MITF: variants seen among roughly 807,000 people sequenced by gnomAD.
The protein encoded by MITF is melanocyte inducing transcription factor.
In MITF, 17 loss-of-function variants were observed where a neutral mutation model predicts 60.5. That is an observed-to-expected ratio of 0.28 (90% confidence interval 0.19 to 0.42). The LOEUF (loss-of-function observed/expected upper bound fraction) is 0.42. Among genes scored for constraint, MITF ranks in the 10% least tolerant of loss-of-function variants. MITF has a pLI of 1.00. For missense variants in MITF, 622 were observed against 683.5 expected (o/e 0.91, Z 1.00); for synonymous variants, 260 against 248.5 (o/e 1.05, Z -0.43).
At chr3:69,907,802 A>T (rs1274664144) in intron 2 of MITF, among the ~76,000 whole-genome samples, 1 of 152,162 alleles carries the variant, frequency 6.6e-6, no homozygotes, top group African/African-American at 2.4e-5. Context: ...CTAAGCTCCA[A>T]AACACAGTAA....
At chr3:69,929,907 A>G (rs1216491766) in intron 2 of MITF, among the ~76,000 whole-genome samples, 1 of 152,174 alleles carries the variant, frequency 6.6e-6, no homozygotes, top group Non-Finnish European at 1.5e-5. Context: ...GGTTGGATCC[A>G]GGGTATGAAA....
chr3:69,877,526 G>A (rs1295975434), intron 1 of MITF, among the ~76,000 whole-genome samples: 4 of 148,872 alleles, frequency 2.7e-5, no homozygotes, highest in Non-Finnish European at 5.9e-5. Context: ...TTTGTATTGT[G>A]TAGTTTTATT....
intron 1 of MITF, among the ~76,000 whole-genome samples, chr3:69,746,055 A>T (rs1013193304): frequency 1.3e-5 from 2 of 152,186 alleles, no homozygotes; most frequent in Non-Finnish European, 2.9e-5. Flanking sequence ...AGGTGCCTCA[A>T]CCTGCAGATG....
intron 2 of MITF, among the ~76,000 whole-genome samples, chr3:69,911,968 G>A (rs1559715062): frequency 6.6e-6 from 1 of 152,198 alleles, no homozygotes; most frequent in Non-Finnish European, 1.5e-5. Context: ...GATGTTCACT[G>A]CAGCATTATC....
At chr3:69,887,432 A>G (rs1331436058) in intron 2 of MITF, among the ~76,000 whole-genome samples, 1 of 152,084 alleles carries the variant, frequency 6.6e-6, no homozygotes, top group Non-Finnish European at 1.5e-5. Flanking sequence ...GTACTAGAAT[A>G]TTGGCTCTTG....
chr3:69,808,671 A>T (rs994807919), intron 1 of MITF, among the ~76,000 whole-genome samples: 4 of 152,086 alleles, frequency 2.6e-5, no homozygotes, highest in African/African-American at 9.7e-5. Flanking sequence ...ACTCATGGAC[A>T]TCAGAGCAGA....
At chr3:69,886,878 T>C (rs1444116409) in intron 2 of MITF, among the ~76,000 whole-genome samples, 1 of 152,112 alleles carries the variant, frequency 6.6e-6, no homozygotes, top group Non-Finnish European at 1.5e-5. Context: ...ACTTATATTC[T>C]AAAGATCTTG....
intron 1 of MITF, among the ~76,000 whole-genome samples, chr3:69,741,597 G>A (rs549796303): frequency 1.3e-5 from 2 of 152,282 alleles, no homozygotes; most frequent in East Asian, 1.9e-4. Context: ...GAAAATGTGG[G>A]TATGTGGGAA....
intron 1 of MITF, among the ~76,000 whole-genome samples, chr3:69,778,397 A>G (rs1424253974): frequency 2.0e-5 from 3 of 152,236 alleles, no homozygotes; most frequent in Admixed American, 6.5e-5. Flanking sequence ...ATTTTCAAGC[A>G]TGAAATTAAA....
intron 1 of MITF, among the ~76,000 whole-genome samples, chr3:69,817,842 A>G (rs1355926508): frequency 6.6e-6 from 1 of 152,130 alleles, no homozygotes; most frequent in Non-Finnish European, 1.5e-5. Context: ...GGCTTGGTTC[A>G]TGTTTGATCA....
At chr3:69,829,369 A>G (rs2063408710) in intron 1 of MITF, among the ~76,000 whole-genome samples, 1 of 152,126 alleles carries the variant, frequency 6.6e-6, no homozygotes, top group Non-Finnish European at 1.5e-5. Context: ...TGTGGCTTGT[A>G]TTGCATTGAG....
chr3:69,800,705 C>T (rs934902125), intron 1 of MITF, among the ~76,000 whole-genome samples: 4 of 151,982 alleles, frequency 2.6e-5, no homozygotes, highest in Admixed American at 2.6e-4. Context: ...GGTGACTCTT[C>T]GTGGCCTTAA....
At position 69,906,211 on chromosome 3, in the gene MITF, A is replaced by G. The variant is rs191624975; in HGVS notation, c.354+26828A>G. ...TTGTTCCAACATCATTTGTTGAAAAAACTATCCTTTTTCCCTTTCATTGCC... is the reference window on the plus strand; with the variant it reads ...TTGTTCCAACATCATTTGTTGAAAAGACTATCCTTTTTCCCTTTCATTGCC... On this transcript the variant is annotated intron_variant, in intron 2 of 9. Coordinates refer to ENST00000352241, the MANE Select transcript of MITF (RefSeq NM_001354604.2). Among the ~76,000 whole-genome samples the G allele has an allele frequency of 2.0e-5, 3 of 152,212 alleles. No individual in the cohort carries two copies. In the East Asian group the frequency reaches 5.8e-4, roughly 29 times the overall value.
chr3:69,748,327 G>A (rs935992503), intron 1 of MITF, among the ~76,000 whole-genome samples: 3 of 152,194 alleles, frequency 2.0e-5, no homozygotes, highest in South Asian at 2.1e-4. Context: ...TGCAACCTCC[G>A]TGCCCAGGTT....
rs759141166 is a variant in MITF, at chr3:69,739,552, G to A, written c.-46G>A. The A allele has an allele frequency of 6.6e-7, 1 of 1,512,188 alleles. No individual in the cohort carries two copies. Among genetic ancestry groups the A allele is most frequent in the South Asian group, 1.2e-5 (1 of 83,332 alleles). 93.7% of individuals were successfully genotyped at this position (1,512,188 alleles called of 1,614,324 possible). On this transcript the variant is annotated 5_prime_UTR_variant, in exon 1 of 10. Transcript: ENST00000352241. Reference sequence around the variant, plus strand: ...CCAGCTACCTTCCCTCCGCCCCCGGGCTCTGTTCTCACTTTCCAGCAGTGG... The same window carrying A: ...CCAGCTACCTTCCCTCCGCCCCCGGACTCTGTTCTCACTTTCCAGCAGTGG...
chr3:69,813,615 A>G (rs1464517826), intron 1 of MITF, among the ~76,000 whole-genome samples: 2 of 152,216 alleles, frequency 1.3e-5, no homozygotes, highest in Non-Finnish European at 1.5e-5. Context: ...GGAGTTACGC[A>G]GCTTTTGTAT....
intron 2 of MITF, chr3:69,937,121 A>G (rs1484774491): frequency 2.6e-5 from 5 of 192,866 alleles, no homozygotes; most frequent in Admixed American, 5.6e-5. Flanking sequence ...AGGAAAGGAG[A>G]AAAAACATCC....
At chr3:69,885,805 G>A (rs1270849116) in intron 2 of MITF, among the ~76,000 whole-genome samples, 3 of 152,018 alleles carry the variant, frequency 2.0e-5, no homozygotes, top group Non-Finnish European at 2.9e-5. Context: ...TTTTGTTTAG[G>A]GACCATTTGT....
intron 1 of MITF, among the ~76,000 whole-genome samples, chr3:69,803,713 T>A (rs2062958751): frequency 1.3e-5 from 2 of 152,192 alleles, no homozygotes; most frequent in African/African-American, 4.8e-5. Flanking sequence ...CTCAAAACGA[T>A]ACATCTAAGG....
Sources: allele counts gnomAD v4.1 joint callset (sites outside exome capture counted in the v4.1 genomes callset), GRCh38; gene constraint gnomAD v4.1.1; transcripts MANE v1.5; gene names NCBI Gene and HGNC (gene_info 2026-07-23, HGNC 2026-07-21).